PLCE1: variants seen among roughly 807,000 people sequenced by gnomAD.
PLCE1 encodes the protein 1-phosphatidylinositol 4,5-bisphosphate phosphodiesterase epsilon-1.
PLCE1 carries 119 observed loss-of-function variants against 242.8 expected under a neutral mutation model. That is an observed-to-expected ratio of 0.49 (90% CI 0.42 to 0.57). The LOEUF is 0.57. Among genes scored for constraint, PLCE1 ranks in the 20% least tolerant of loss-of-function variants. The pLI, the probability that PLCE1 is intolerant of heterozygous loss-of-function variation, is 0.00. For missense variants in PLCE1, 2,441 were observed against 2,788.8 expected, an observed-to-expected ratio of 0.88 and a Z score of 2.81; for synonymous variants, 945 against 1,017.4, an observed-to-expected ratio of 0.93 and a Z score of 1.35.
intron 4 of PLCE1, among the ~76,000 whole-genome samples, chr10:94,179,520 T>TGTTTGTTTG (rs1564761741): frequency 3.6e-5 from 1 of 27,702 alleles, no homozygotes; most frequent in Non-Finnish European, 8.8e-5. Flanking sequence ...TAGTTTTTTT[T>TGTTTGTTTG]TTTTTTTTTT....
intron 2 of PLCE1, among the ~76,000 whole-genome samples, chr10:94,102,372 G>A (rs1319916608): frequency 6.6e-6 from 1 of 152,200 alleles, no homozygotes; most frequent in Non-Finnish European, 1.5e-5. Context: ...ATCCCAAGCA[G>A]TTGCACCAAT....
intron 2 of PLCE1, among the ~76,000 whole-genome samples, chr10:94,061,313 G>A (rs1203391267): frequency 6.6e-6 from 1 of 152,146 alleles, no homozygotes; most frequent in Non-Finnish European, 1.5e-5. Flanking sequence ...TTAAGCAGGT[G>A]ATCAACTGAC....
intron 2 of PLCE1, among the ~76,000 whole-genome samples, chr10:94,080,756 AG>A (rs772566467): frequency 1.1e-4 from 16 of 152,210 alleles, no homozygotes; most frequent in Non-Finnish European, 1.6e-4. Flanking sequence ...TAATATCAAC[AG>A]GTTGTTTTAG....
intron 3 of PLCE1, among the ~76,000 whole-genome samples, chr10:94,158,711 A>G (rs1424464473): frequency 1.3e-5 from 2 of 152,060 alleles, no homozygotes; most frequent in Non-Finnish European, 2.9e-5. Flanking sequence ...AGTTTTTTTA[A>G]GTTAGAAAAA....
In PLCE1 at chr10:94,051,286, C is replaced by CAAAAAAAAAAA. The variant is rs869233995; in HGVS notation, c.1206+19050_1206+19060dup. Among the ~76,000 whole-genome samples the CAAAAAAAAAAA allele has an allele frequency of 3.5e-3, 104 of 29,344 alleles. 11 individuals are homozygous for CAAAAAAAAAAA. Among genetic ancestry groups the CAAAAAAAAAAA allele is most frequent in the East Asian group, 6.5e-3 (6 of 924 alleles). 19.3% of individuals were successfully genotyped at this position (29,344 alleles called of 152,430 possible). A position where few individuals can be genotyped will look rare whatever the true frequency, so the allele number is the denominator to read the frequency against. On this transcript the variant is annotated intron_variant, in intron 2 of 32. Coordinates refer to ENST00000371380, the MANE Select transcript of PLCE1 (RefSeq NM_016341.4). ...TGGGTGATAGAGCGAGACTCCAACT[C>CAAAAAAAAAAA]AAAAAAAAAAAAAAAAAAAAAAAAA...
intron 4 of PLCE1, among the ~76,000 whole-genome samples, chr10:94,213,663 A>C (rs1045010243): frequency 1.3e-5 from 2 of 152,212 alleles, no homozygotes; most frequent in Non-Finnish European, 2.9e-5. Flanking sequence ...TTTGAAAGAA[A>C]TGAAGGATCA....
chr10:94,003,761 T>C (rs532263969), intron 1 of PLCE1, among the ~76,000 whole-genome samples: 2 of 152,224 alleles, frequency 1.3e-5, no homozygotes, highest in East Asian at 1.9e-4. Context: ...GATTGGGTAA[T>C]TGGGGCTTGT....
intron 27 of PLCE1, among the ~76,000 whole-genome samples, chr10:94,309,738 T>C (rs1183554004): frequency 1.3e-5 from 2 of 152,172 alleles, no homozygotes; most frequent in African/African-American, 4.8e-5. Context: ...GATGGTTTAA[T>C]TAGGTAAGAA....
intron 28 of PLCE1, among the ~76,000 whole-genome samples, chr10:94,313,969 G>T (rs1239258969): frequency 6.6e-6 from 1 of 152,122 alleles, no homozygotes; most frequent in African/African-American, 2.4e-5. Context: ...CCTTTTGGTG[G>T]TAGCAAGAGG....
At chr10:94,224,255 T>C (rs1416762240) in intron 4 of PLCE1, among the ~76,000 whole-genome samples, 1 of 152,230 alleles carries the variant, frequency 6.6e-6, no homozygotes, top group Non-Finnish European at 1.5e-5. Context: ...TCGCTGTTTT[T>C]TTCCTAGCAT....
intron 4 of PLCE1, among the ~76,000 whole-genome samples, chr10:94,197,852 G>A (rs1004399791): frequency 7.9e-5 from 12 of 151,824 alleles, no homozygotes; most frequent in African/African-American, 2.2e-4. Context: ...GCATGGTGGC[G>A]GGAGCCTGTC....
chr10:94,221,739 A>C (rs1283167881), intron 4 of PLCE1, among the ~76,000 whole-genome samples: 3 of 152,186 alleles, frequency 2.0e-5, no homozygotes, highest in Non-Finnish European at 4.4e-5. Context: ...TGTCTAAAAA[A>C]AAAGAAGAAG....
In PLCE1 at chr10:94,089,152, C is replaced by A. The variant is rs1412540404; in HGVS notation, c.1207-43022C>A. On this transcript the variant is annotated intron_variant, in intron 2 of 32. Coordinates refer to ENST00000371380, the MANE Select transcript of PLCE1 (RefSeq NM_016341.4). The stretch of plus-strand genomic sequence containing the variant: ...CTTTGCAGGAATGGAAGAGGTGAGG[C>A]AGCTCCACGTGAGATTCTGCAAAGG... 6 of 1,613,950 alleles carry A rather than the reference C, an allele frequency of 3.7e-6. No homozygotes were observed. In the Admixed American group the frequency reaches 1.0e-4, roughly 27 times the overall value.
At chr10:94,309,047 G>A (rs1343148516) in intron 27 of PLCE1, among the ~76,000 whole-genome samples, 1 of 152,230 alleles carries the variant, frequency 6.6e-6, no homozygotes, top group Non-Finnish European at 1.5e-5. Context: ...AGGGAAGTAA[G>A]CCAAATATAA....
At chr10:94,157,679 T>A (rs1246992650) in intron 3 of PLCE1, among the ~76,000 whole-genome samples, 2 of 152,200 alleles carry the variant, frequency 1.3e-5, no homozygotes. Flanking sequence ...TTCAGAGGCA[T>A]GGTTTTCTGA....
intron 4 of PLCE1, among the ~76,000 whole-genome samples, chr10:94,186,231 A>G (rs1468714367): frequency 2.6e-5 from 4 of 152,120 alleles, no homozygotes; most frequent in Non-Finnish European, 4.4e-5. Flanking sequence ...CCTTCTCTCA[A>G]TTGGGTAATT....
In PLCE1 at chr10:94,001,781, T is replaced by C. The variant is rs571789287; in HGVS notation, c.-365+7523T>C. 3.3e-5 allele frequency among the ~76,000 whole-genome samples: 5 copies of C among 152,372 alleles called. No individual in the cohort carries two copies. The South Asian group carries it at 1.0e-3, about 32-fold the overall frequency. On this transcript the variant is annotated intron_variant, in intron 1 of 32. Transcript: ENST00000371380. Reference sequence around the variant, plus strand: ...AGATTTCATTGATTCAGCGTGTTTTTCACATATGAAATGTTTGCCTGGAAG... The same window carrying C: ...AGATTTCATTGATTCAGCGTGTTTTCCACATATGAAATGTTTGCCTGGAAG...
intron 3 of PLCE1, among the ~76,000 whole-genome samples, chr10:94,151,826 TCCC>T (rs2047284910): frequency 6.6e-6 from 1 of 152,116 alleles, no homozygotes; most frequent in Non-Finnish European, 1.5e-5. Context: ...AGTTGTAGTT[TCCC>T]AAGCCCCCTC....
At chr10:94,279,174 A>G (rs927731199) in intron 19 of PLCE1, 6 of 157,718 alleles carry the variant, frequency 3.8e-5, no homozygotes, top group African/African-American at 1.4e-4. Context: ...ATCACTTCAC[A>G]GTAATTCCAG....
Sources: allele counts gnomAD v4.1 joint callset (sites outside exome capture counted in the v4.1 genomes callset), GRCh38; gene constraint gnomAD v4.1.1; transcripts MANE v1.5; gene names NCBI Gene and HGNC (gene_info 2026-07-23, HGNC 2026-07-21).